The following ASTN2 variants were observed in gnomAD, a reference collection of about 807,000 sequenced individuals.
ASTN2 encodes astrotactin 2, also known as astrotactin-2.
ASTN2 carries 54 observed loss-of-function variants against 139.8 expected under a neutral mutation model. The observed-to-expected ratio is 0.39, with a 90% CI of 0.31 to 0.48. ASTN2 has a LOEUF of 0.48. ASTN2 is among the 20% of genes least tolerant of loss of function. ASTN2 has a pLI of 0.95. For missense variants in ASTN2, 1,565 were observed against 1,725.1 expected, an observed-to-expected ratio of 0.91 and a Z score of 1.64; for synonymous variants, 756 against 719.5, an observed-to-expected ratio of 1.05 and a Z score of -0.81.
At chr9:116,799,706 T>TGGGGTGGGG (rs1830790511) in intron 13 of ASTN2, among the ~76,000 whole-genome samples, 1 of 123,274 alleles carries the variant, frequency 8.1e-6, no homozygotes, top group African/African-American at 3.1e-5. Context: ...GGTAAGAGAG[T>TGGGGTGGGG]GGGGGGGGGG....
At chr9:116,484,477 A>C (rs921464157) in intron 20 of ASTN2, among the ~76,000 whole-genome samples, 1 of 152,152 alleles carries the variant, frequency 6.6e-6, no homozygotes, top group African/African-American at 2.4e-5. Flanking sequence ...CTCAAGAGGA[A>C]GACGAATTTG....
At chr9:116,995,651 G>A (rs995389919) in intron 7 of ASTN2, among the ~76,000 whole-genome samples, 1 of 152,102 alleles carries the variant, frequency 6.6e-6, no homozygotes, top group Admixed American at 6.6e-5. Context: ...ATAGGCTTGT[G>A]GTTTAGAGGG....
intron 3 of ASTN2, among the ~76,000 whole-genome samples, chr9:117,209,426 G>T (rs1005320810): frequency 6.6e-6 from 1 of 151,918 alleles, no homozygotes; most frequent in Non-Finnish European, 1.5e-5. Context: ...GACTAAACAG[G>T]CTTCAATTCA....
At chr9:116,759,312 A>G (rs1056296315) in intron 13 of ASTN2, among the ~76,000 whole-genome samples, 28 of 152,218 alleles carry the variant, frequency 1.8e-4, no homozygotes, top group African/African-American at 6.8e-4. Context: ...TTAGCCCTAT[A>G]GAGTAAAAGC....
chr9:116,561,739 T>C (rs1852924524), intron 19 of ASTN2, among the ~76,000 whole-genome samples: 1 of 152,172 alleles, frequency 6.6e-6, no homozygotes. Context: ...CACAACTAAT[T>C]TAATTGTTAC....
chr9:116,570,688 C>T (rs567587847), intron 19 of ASTN2, among the ~76,000 whole-genome samples: 91 of 152,280 alleles, frequency 6.0e-4, no homozygotes, highest in Non-Finnish European at 9.6e-4. Context: ...TGAGCCACCG[C>T]GCCCGGCTGA....
chr9:116,950,129 T>C (rs977526943), intron 10 of ASTN2, among the ~76,000 whole-genome samples: 4 of 152,220 alleles, frequency 2.6e-5, no homozygotes, highest in African/African-American at 9.6e-5. Flanking sequence ...CTTGCCAGCA[T>C]TGGTATTTTG....
intron 13 of ASTN2, among the ~76,000 whole-genome samples, chr9:116,736,617 C>G (rs906396470): frequency 5.3e-5 from 8 of 152,190 alleles, no homozygotes; most frequent in African/African-American, 1.9e-4. Flanking sequence ...GCTCTGTTCT[C>G]TATGTGACCT....
At chr9:116,813,817 C>G (rs373885908) in intron 12 of ASTN2, among the ~76,000 whole-genome samples, 1 of 152,038 alleles carries the variant, frequency 6.6e-6, no homozygotes, top group African/African-American at 2.4e-5. Flanking sequence ...GGCGGATCAC[C>G]TGAGGTCAGG....
chr9:116,921,848 C>G (rs1359670245), intron 10 of ASTN2, among the ~76,000 whole-genome samples: 2 of 152,240 alleles, frequency 1.3e-5, no homozygotes, highest in East Asian at 3.9e-4. Context: ...CCCCCATTAT[C>G]CAATAACCTT....
Position 116,724,537 on chromosome 9 carries a change from A to C in ASTN2, c.2806+1234T>G, listed in dbSNP as rs556343292. Reference sequence around the variant, plus strand: ...AAAAAGCACTAGACAGGAGGTGTAGAGCACCCCACTTGGTCTTGGCCCTGC... The same window carrying C: ...AAAAAGCACTAGACAGGAGGTGTAGCGCACCCCACTTGGTCTTGGCCCTGC... On this transcript the variant is annotated intron_variant, in intron 16 of 22. Coordinates refer to ENST00000313400, the MANE Select transcript of ASTN2 (RefSeq NM_001365068.1). Among the ~76,000 whole-genome samples the C allele has an allele frequency of 5.3e-5, 8 of 152,294 alleles. No individual in the cohort carries two copies. The South Asian group carries it at 8.3e-4, about 16-fold the overall frequency.
At chr9:117,387,571 C>A (rs1830430741) in intron 1 of ASTN2, among the ~76,000 whole-genome samples, 1 of 152,034 alleles carries the variant, frequency 6.6e-6, no homozygotes, top group Admixed American at 6.6e-5. Context: ...GGCCAAGAGG[C>A]AGAAGTGGGT....
intron 6 of ASTN2, among the ~76,000 whole-genome samples, chr9:117,030,020 T>A (rs374714212): frequency 9.2e-5 from 14 of 151,788 alleles, no homozygotes; most frequent in Non-Finnish European, 1.5e-4. Context: ...TTTTTAGATT[T>A]AAAAAAAACG....
chr9:116,543,893 C>G, intron 19 of ASTN2: 1 of 152,170 alleles, frequency 6.6e-6, no homozygotes, highest in Non-Finnish European at 1.5e-5. Flanking sequence ...AGTGGACAAA[C>G]ACTGATGAGA....
chr9:117,411,939 G>A (rs1025216971), intron 1 of ASTN2, among the ~76,000 whole-genome samples: 12 of 152,040 alleles, frequency 7.9e-5, no homozygotes, highest in African/African-American at 2.9e-4. Flanking sequence ...ACACTAGAAA[G>A]AGATGGCCAT....
intron 10 of ASTN2, among the ~76,000 whole-genome samples, chr9:116,883,160 A>G (rs1833495705): frequency 1.3e-5 from 2 of 152,240 alleles, no homozygotes; most frequent in Non-Finnish European, 2.9e-5. Context: ...GGAAATGATC[A>G]TCAACATATG....
At chr9:116,794,950 C>T (rs1014893530) in intron 13 of ASTN2, among the ~76,000 whole-genome samples, 2 of 152,030 alleles carry the variant, frequency 1.3e-5, no homozygotes, top group Non-Finnish European at 2.9e-5. Flanking sequence ...CTATGCTTAT[C>T]GTTAAATGTT....
rs188160601 is a variant in ASTN2 at position 117,377,389 on chromosome 9, C to T, written c.442+37108G>A. 2.7e-3 allele frequency among the ~76,000 whole-genome samples: 414 copies of T among 152,276 alleles called. 2 individuals carry two copies. Among genetic ancestry groups the T allele is most frequent in the African/African-American group, 9.3e-3 (388 of 41,558 alleles). ...CAGAGAAGGCCCTTGGGGCAGGACC[C>T]GCCTCACCTGTAAACAGAATTGCTA... On this transcript the variant is annotated intron_variant, in intron 1 of 22. Coordinates refer to ENST00000313400, the MANE Select transcript of ASTN2 (RefSeq NM_001365068.1).
intron 4 of ASTN2, among the ~76,000 whole-genome samples, chr9:117,120,990 C>T (rs1241814544): frequency 6.6e-6 from 1 of 152,192 alleles, no homozygotes; most frequent in Non-Finnish European, 1.5e-5. Context: ...GTCTATGCTA[C>T]AGGTAATTAA....
Sources: gnomAD v4.1 joint callset for allele counts (sites outside exome capture counted in the v4.1 genomes callset) on GRCh38, gnomAD v4.1.1 for gene constraint, MANE v1.5 for transcripts, NCBI Gene and HGNC (gene_info 2026-07-23, HGNC 2026-07-21) for gene names.